Variants in DRC11 observed in about 807,000 individuals in gnomAD.
DRC11 encodes the protein IQ and AAA domain-containing protein 1.
At chr2:236,405,513 G>T in the DRC11 span, among the ~76,000 whole-genome samples, 1 of 151,956 alleles carries the variant, frequency 6.6e-6, no homozygotes, top group African/African-American at 2.4e-5. The surrounding 1 kb of genome is among the most constrained non-coding windows in gnomAD (Gnocchi z 4.6). Context: ...CCGGTCTCTG[G>T]GTACCGCTAA....
the DRC11 span, chr2:236,497,352 A>G: frequency 3.1e-6 from 5 of 1,613,962 alleles, no homozygotes; most frequent in Non-Finnish European, 3.4e-6. The surrounding 1 kb of genome is among the most constrained non-coding windows in gnomAD (Gnocchi z 5.1). Context: ...AGATCTGCAC[A>G]TACTTTACGT....
the DRC11 span, chr2:236,338,441 G>C: frequency 6.7e-7 from 1 of 1,489,862 alleles, no homozygotes; most frequent in Non-Finnish European, 9.2e-7. Context: ...AAAAATGAAA[G>C]AAAATTTACT....
the DRC11 span, among the ~76,000 whole-genome samples, chr2:236,482,549 T>A: frequency 1.3e-4 from 20 of 152,344 alleles, no homozygotes; most frequent in Admixed American, 1.3e-3. This position sits in a 1 kb window ranked among gnomAD's most constrained non-coding sequence, Gnocchi z 4.5. Flanking sequence ...ATTATAATTT[T>A]AAAAACTTTT....
the DRC11 span, among the ~76,000 whole-genome samples, chr2:236,487,235 G>T: frequency 6.6e-6 from 1 of 152,052 alleles, no homozygotes; most frequent in Non-Finnish European, 1.5e-5. Context: ...AAGTAATGTG[G>T]GGAAATATAG....
chr2:236,447,005 G>A, the DRC11 span, among the ~76,000 whole-genome samples: 1 of 151,506 alleles, frequency 6.6e-6, no homozygotes, highest in East Asian at 1.9e-4. This position sits in a 1 kb window ranked among gnomAD's most constrained non-coding sequence, Gnocchi z 4.6. Flanking sequence ...ACACTCCCCC[G>A]TAGATCTGCA....
chr2:236,327,295 C>T, the DRC11 span, among the ~76,000 whole-genome samples: 1 of 152,198 alleles, frequency 6.6e-6, no homozygotes, highest in African/African-American at 2.4e-5. Flanking sequence ...CTTGTTCTGT[C>T]ACCCAGGCTG....
the DRC11 span, among the ~76,000 whole-genome samples, chr2:236,445,804 C>T: frequency 6.6e-6 from 1 of 152,132 alleles, no homozygotes; most frequent in Non-Finnish European, 1.5e-5. This position sits in a 1 kb window ranked among gnomAD's most constrained non-coding sequence, Gnocchi z 4.8. Flanking sequence ...GACAATGTGC[C>T]TGATAGCTCT....
the DRC11 span, among the ~76,000 whole-genome samples, chr2:236,311,987 T>C: frequency 1.3e-5 from 2 of 152,168 alleles, no homozygotes; most frequent in African/African-American, 4.8e-5. This position sits in a 1 kb window ranked among gnomAD's most constrained non-coding sequence, Gnocchi z 6.9. Context: ...TCCAGGCCAT[T>C]GTTTAGCTAA....
the DRC11 span, among the ~76,000 whole-genome samples, chr2:236,330,994 T>C: frequency 2.0e-5 from 3 of 152,194 alleles, no homozygotes; most frequent in East Asian, 1.9e-4. The surrounding 1 kb of genome is among the most constrained non-coding windows in gnomAD (Gnocchi z 5.5). Flanking sequence ...CCAAACAGCA[T>C]TGGCTTGAAC....
chr2:236,444,885 G>A, the DRC11 span, among the ~76,000 whole-genome samples: 111 of 152,320 alleles, frequency 7.3e-4, 2 homozygotes, highest in South Asian at 7.9e-3. Context: ...TTGCCCTCAC[G>A]CAGCTCACAT....
At chr2:236,392,534 A>G in the DRC11 span, 2 of 400,292 alleles carry the variant, frequency 5.0e-6, no homozygotes. This position sits in a 1 kb window ranked among gnomAD's most constrained non-coding sequence, Gnocchi z 5.1. Flanking sequence ...AGATTCATAT[A>G]TGTGCTTGTA....
the DRC11 span, among the ~76,000 whole-genome samples, chr2:236,463,728 T>C: frequency 6.6e-6 from 1 of 152,230 alleles, no homozygotes; most frequent in African/African-American, 2.4e-5. This position sits in a 1 kb window ranked among gnomAD's most constrained non-coding sequence, Gnocchi z 5.0. Context: ...GCATAACAAG[T>C]CACTCCGAGC....
chr2:236,357,536 TAATTTATATATTA>T, the DRC11 span, among the ~76,000 whole-genome samples: 6 of 127,610 alleles, frequency 4.7e-5, no homozygotes, highest in Non-Finnish European at 7.7e-5. Flanking sequence ...ATTATGAATA[TAATTTATATATTA>T]TTACATATTT....
the DRC11 span, chr2:236,343,766 A>G: frequency 1.5e-6 from 2 of 1,302,962 alleles, no homozygotes; most frequent in Non-Finnish European, 2.0e-6. This position sits in a 1 kb window ranked among gnomAD's most constrained non-coding sequence, Gnocchi z 6.6. Flanking sequence ...GGAGTGAACT[A>G]CAAGAGTCCC....
At chr2:236,317,542 A>G in the DRC11 span, among the ~76,000 whole-genome samples, 1 of 152,176 alleles carries the variant, frequency 6.6e-6, no homozygotes, top group Non-Finnish European at 1.5e-5. The surrounding 1 kb of genome is among the most constrained non-coding windows in gnomAD (Gnocchi z 5.4). Flanking sequence ...AATCAGGACA[A>G]TAGTTGCCTT....
At chr2:236,431,220 G>T in the DRC11 span, among the ~76,000 whole-genome samples, 31 of 152,116 alleles carry the variant, frequency 2.0e-4, no homozygotes, top group African/African-American at 7.5e-4. The surrounding 1 kb of genome is among the most constrained non-coding windows in gnomAD (Gnocchi z 4.2). Flanking sequence ...AGGTGTATTA[G>T]TCCATTCTCA....
chr2:236,372,681 C>T, the DRC11 span, among the ~76,000 whole-genome samples: 22 of 152,188 alleles, frequency 1.4e-4, no homozygotes, highest in Non-Finnish European at 2.2e-4. This position sits in a 1 kb window ranked among gnomAD's most constrained non-coding sequence, Gnocchi z 4.5. Context: ...GTGATCTTGA[C>T]TCACTGCAAC....
chr2:236,341,550 A>C, the DRC11 span, among the ~76,000 whole-genome samples: 2 of 152,152 alleles, frequency 1.3e-5, no homozygotes, highest in Non-Finnish European at 1.5e-5. Flanking sequence ...GTGCAGGAGG[A>C]CAGAGAATTC....
chr2:236,322,818 AC>A, the DRC11 span, among the ~76,000 whole-genome samples: 1 of 152,252 alleles, frequency 6.6e-6, no homozygotes. Flanking sequence ...AACATTGAAT[AC>A]AATAAAATAT....
Sources: allele counts gnomAD v4.1 joint callset (sites outside exome capture counted in the v4.1 genomes callset), GRCh38; gene constraint gnomAD v4.1.1; non-coding constraint Gnocchi (gnomAD v3.1); transcripts MANE v1.5; gene names NCBI Gene and HGNC (gene_info 2026-07-23, HGNC 2026-07-21).